RANGAP1: variants seen among roughly 807,000 people sequenced by gnomAD.
RANGAP1 encodes Ran GTPase activating protein 1.
In RANGAP1, 38 loss-of-function variants were observed where a neutral mutation model predicts 63.5. The observed-to-expected ratio is 0.60, with a 90% CI of 0.46 to 0.78. The LOEUF is 0.78. RANGAP1 is among the 30% of genes least tolerant of loss of function. The pLI, the probability that RANGAP1 is intolerant of heterozygous loss-of-function variation, is 0.00. For synonymous variants in RANGAP1, 329 were observed against 310.5 expected (o/e 1.06, Z -0.63); for missense variants, 630 against 740.3 (o/e 0.85, Z 1.73).
chr22:41,256,779 A>T lies in RANGAP1; in HGVS notation c.820T>A (p.Cys274Ser). 1 of 1,614,154 alleles carries T rather than the reference A, an allele frequency of 6.2e-7. No individual in the cohort carries two copies. Residue 274 changes from cysteine (C) to serine (S), a missense_variant, in exon 8 of 16, where the codon TGC (cysteine) becomes AGC (serine). By Grantham distance (112) the Cys-to-Ser change is moderately radical (BLOSUM62 -1). Around this residue, in one of 3 missense-constraint regions of RANGAP1, gnomAD observed 428 missense variants for 465.5 expected, o/e 0.92. Coordinates refer to ENST00000356244, the MANE Select transcript of RANGAP1 (RefSeq NM_002883.4). ...ACTGCACCCTTGGAGCGCACCAGGC[A>T]GTCCCCAAAATTAATCACCTCCACC... Reference protein sequence around the residue: ...RQVEVINFGDCLVRSKGAVAI... With the variant: ...RQVEVINFGDSLVRSKGAVAI...
At chr22:41,276,913 G>A (rs562178701) in intron 2 of RANGAP1, among the ~76,000 whole-genome samples, 1 of 150,328 alleles carries the variant, frequency 6.7e-6, no homozygotes, top group Non-Finnish European at 1.5e-5. Flanking sequence ...TGGGACCCAG[G>A]AGGCGGAGGT....
chr22:41,270,451 C>T lies in RANGAP1; in HGVS notation c.241-2295G>A, dbSNP rs2034738931. ...TGAGAGCCACCATGCCCAGCCCTCC[C>T]TTATTTTTTATTTTGAGACAGGGTC... On this transcript the variant is annotated intron_variant, in intron 3 of 15. Transcript: ENST00000356244. Among the ~76,000 whole-genome samples the T allele has an allele frequency of 5.3e-5, 8 of 152,052 alleles. No individual in the cohort carries two copies. In the South Asian group the frequency reaches 1.7e-3, roughly 32 times the overall value.
Position 41,251,060 on chromosome 22 carries a change from G to A in RANGAP1, c.1430C>T (p.Ser477Leu), listed in dbSNP as rs1807727886. The A allele has an allele frequency of 6.2e-7, 1 of 1,614,158 alleles. No homozygotes were observed. The highest frequency in any genetic ancestry group is 8.5e-7 in the Non-Finnish European group (1 of 1,180,038). The part of the protein sequence containing the change: ...EKVVSAFLKV[S>L]SVFKDEATVR... ...AGTAGCTTCGTCCTTGAACACAGAT[G>A]ACACCTTTAGGAAGGCAGAGACCAC... The change falls in exon 13 of 16, where the codon TCA becomes TTA. Residue 477 changes from serine to leucine, a missense_variant. Physicochemically the swap from Ser to Leu is moderately radical, Grantham distance 145. Transcript: ENST00000356244.
intron 1 of RANGAP1, among the ~76,000 whole-genome samples, chr22:41,283,734 A>G (rs1359586302): frequency 1.3e-5 from 2 of 152,172 alleles, no homozygotes; most frequent in Non-Finnish European, 2.9e-5. Context: ...AGAGAGGAAA[A>G]AAACAAGGTA....
chr22:41,300,618 CCCA>C, the RANGAP1 span, among the ~76,000 whole-genome samples: 103 of 150,400 alleles, frequency 6.8e-4, no homozygotes, highest in Non-Finnish European at 1.1e-3. Context: ...ATTACAGGCA[CCCA>C]CCACCACGCC....
the RANGAP1 span, among the ~76,000 whole-genome samples, chr22:41,295,079 G>A: frequency 6.8e-6 from 1 of 148,098 alleles, no homozygotes. Context: ...GGAGGTGGGG[G>A]GGTCAGCCCC....
chr22:41,252,475 G>C (rs754812245), intron 12 of RANGAP1, among the ~76,000 whole-genome samples: 6 of 152,160 alleles, frequency 3.9e-5, no homozygotes, highest in Non-Finnish European at 2.9e-5. Flanking sequence ...AGTGAGGCTG[G>C]AGTGAGGGCA....
At chr22:41,271,688 G>A (rs1220715643) in intron 3 of RANGAP1, among the ~76,000 whole-genome samples, 3 of 145,238 alleles carry the variant, frequency 2.1e-5, no homozygotes, top group Non-Finnish European at 3.0e-5. Context: ...GCGAGACTCC[G>A]TCTCAAAAAA....
At chr22:41,283,475 T>C (rs2035601561) in intron 1 of RANGAP1, among the ~76,000 whole-genome samples, 6 of 151,946 alleles carry the variant, frequency 3.9e-5, no homozygotes. Flanking sequence ...CGCCATTGCA[T>C]TCCAGCCTGG....
chr22:41,296,523 T>C, the RANGAP1 span, among the ~76,000 whole-genome samples: 1 of 151,874 alleles, frequency 6.6e-6, no homozygotes, highest in African/African-American at 2.4e-5. Context: ...GGCACATGCC[T>C]ATAATCCCAG....
chr22:41,247,162 T>C (rs920508004), intron 15 of RANGAP1, among the ~76,000 whole-genome samples: 3 of 151,848 alleles, frequency 2.0e-5, no homozygotes, highest in Non-Finnish European at 4.4e-5. Context: ...TTCACGCCAT[T>C]CTCCTGCCTC....
chr22:41,264,369 G>A (rs1298820291), intron 5 of RANGAP1, among the ~76,000 whole-genome samples: 1 of 152,256 alleles, frequency 6.6e-6, no homozygotes, highest in Non-Finnish European at 1.5e-5. Context: ...CGGGTACAGT[G>A]AGTATAGGGA....
upstream of RANGAP1, among the ~76,000 whole-genome samples, chr22:41,289,554 C>T (rs1391309028): frequency 2.0e-5 from 3 of 151,888 alleles, no homozygotes; most frequent in East Asian, 2.0e-4. Context: ...ACCCAAGAGG[C>T]GGAGGTTGCA....
Position 41,268,406 on chromosome 22 carries a change from C to T in RANGAP1, c.241-250G>A, listed in dbSNP as rs2281337. Among the ~76,000 whole-genome samples the T allele has an allele frequency of 0.017, 2,559 of 152,176 alleles. 543 individuals carry two copies. The East Asian group carries it at 0.44, about 26-fold the overall frequency. Reference sequence around the variant, plus strand: ...GAGTAGCTGGGATTACAGACGTCCACCACTATGCCTGGCAAATTTTGTATT... The same window carrying T: ...GAGTAGCTGGGATTACAGACGTCCATCACTATGCCTGGCAAATTTTGTATT... On this transcript the variant is annotated intron_variant, in intron 3 of 15. Transcript: ENST00000356244.
At chr22:41,267,749 G>A (rs1298416235) in intron 4 of RANGAP1, among the ~76,000 whole-genome samples, 1 of 152,178 alleles carries the variant, frequency 6.6e-6, no homozygotes, top group African/African-American at 2.4e-5. Context: ...GCAGGACTGC[G>A]AGGTGCAGGA....
intron 2 of RANGAP1, among the ~76,000 whole-genome samples, chr22:41,275,753 T>G (rs1202117575): frequency 6.7e-6 from 1 of 150,144 alleles, no homozygotes; most frequent in Admixed American, 6.8e-5. Context: ...CACTCTAGCC[T>G]GGGCGACACA....
chr22:41,280,789 T>C, intron 2 of RANGAP1, 144 bp downstream of exon 2: 1 of 1,526,320 alleles, frequency 6.6e-7, no homozygotes, highest in Non-Finnish European at 8.8e-7. Context: ...GCCTCATTGT[T>C]AGAATAGGCC....
the RANGAP1 span, among the ~76,000 whole-genome samples, chr22:41,291,769 C>T: frequency 1.3e-5 from 2 of 150,912 alleles, no homozygotes; most frequent in African/African-American, 2.4e-5. Flanking sequence ...GGCGTGATGG[C>T]GGGCATCTGT....
chr22:41,265,769 A>G (rs1461755776), intron 4 of RANGAP1, among the ~76,000 whole-genome samples: 1 of 152,168 alleles, frequency 6.6e-6, no homozygotes, highest in Non-Finnish European at 1.5e-5. Context: ...CAGGTGGTCC[A>G]TGGGGGCAGG....
Sources: allele counts gnomAD v4.1 joint callset (sites outside exome capture counted in the v4.1 genomes callset), GRCh38; gene constraint gnomAD v4.1.1; regional missense constraint gnomAD v4.1.1; transcripts MANE v1.5; gene names NCBI Gene and HGNC (gene_info 2026-07-23, HGNC 2026-07-21).